SHROOM3: variants seen among roughly 807,000 people sequenced by gnomAD.
SHROOM3 encodes the protein shroom family member 3.
In SHROOM3, 47 loss-of-function variants were observed where a neutral mutation model predicts 138.6. The ratio of observed to expected loss-of-function variants is 0.34; its 90% CI spans 0.27 to 0.43. The LOEUF is 0.43. Ranked by LOEUF, SHROOM3 falls within the 20% of genes least tolerant of loss-of-function variation. The pLI, the probability that SHROOM3 is intolerant of heterozygous loss-of-function variation, is 1.00. For synonymous variants in SHROOM3, 1,062 were observed against 1,063.3 expected, an observed-to-expected ratio of 1.00 and a Z score of 0.02; for missense variants, 2,491 against 2,596.5, an observed-to-expected ratio of 0.96 and a Z score of 0.88.
At chr4:76,511,577 G>A (rs377764658) in intron 1 of SHROOM3, among the ~76,000 whole-genome samples, 11 of 152,276 alleles carry the variant, frequency 7.2e-5, no homozygotes, top group African/African-American at 2.6e-4. Context: ...GTGATGAGCA[G>A]GGGTCTTGCT....
At chr4:76,626,733 G>A (rs185355601) in intron 2 of SHROOM3, among the ~76,000 whole-genome samples, 11 of 152,276 alleles carry the variant, frequency 7.2e-5, no homozygotes, top group African/African-American at 2.4e-4. Context: ...GAAACACCTT[G>A]GCCAAGATCA....
Position 76,754,364 on chromosome 4 carries a change from A to G in SHROOM3, c.3881A>G (p.His1294Arg), listed in dbSNP as rs1721731773. 1 of 1,614,142 alleles carries G rather than the reference A, an allele frequency of 6.2e-7. No individual in the cohort carries two copies. The change falls in exon 7 of 11, where the codon CAT becomes CGT. Residue 1294 changes from histidine to arginine, a missense_variant. Coordinates refer to ENST00000296043, the MANE Select transcript of SHROOM3 (RefSeq NM_020859.4). ...GQEEMLPLFH[H>R]LTPRWGGSGC... ...GAAGAGATGCTGCCGCTCTTCCACC[A>G]TCTCACCCCTCGTTGGGGTGGTTCA...
intron 1 of SHROOM3, among the ~76,000 whole-genome samples, chr4:76,481,933 T>C (rs1731621983): frequency 6.6e-6 from 1 of 151,976 alleles, no homozygotes; most frequent in African/African-American, 2.4e-5. Flanking sequence ...ATACAGAAAA[T>C]GCCTTCAATA....
intron 2 of SHROOM3, among the ~76,000 whole-genome samples, chr4:76,583,186 G>T (rs1435656727): frequency 6.6e-6 from 1 of 152,146 alleles, no homozygotes; most frequent in Admixed American, 6.5e-5. Context: ...CTAAATGAGG[G>T]GAGCTGGTGC....
At chr4:76,755,266 G>T (rs1462961027) in intron 7 of SHROOM3, 74 bp downstream of exon 7, 4 of 1,527,754 alleles carry the variant, frequency 2.6e-6, no homozygotes, top group Non-Finnish European at 3.6e-6. Flanking sequence ...AGGTCCTTCT[G>T]CTGGCCACAG....
At chr4:76,679,113 T>C (rs751267003) in intron 2 of SHROOM3, among the ~76,000 whole-genome samples, 1 of 152,248 alleles carries the variant, frequency 6.6e-6, no homozygotes, top group Non-Finnish European at 1.5e-5. Context: ...AAAAACATGA[T>C]TCTACCAGTC....
rs895664045 is a variant in SHROOM3, at chr4:76,442,650, C to A, written c.168+6430C>A. On this transcript the variant is annotated intron_variant, in intron 1 of 10. Transcript: ENST00000296043. ...GGTCTCGATCTCCTTACCTTATGATCCGCCCACCTCGGCCTCCCAAAGTGC... is the reference window on the plus strand; with the variant it reads ...GGTCTCGATCTCCTTACCTTATGATACGCCCACCTCGGCCTCCCAAAGTGC... 6.6e-5 allele frequency among the ~76,000 whole-genome samples: 10 copies of A among 152,018 alleles called. No homozygotes were observed. In the East Asian group the frequency reaches 7.7e-4, roughly 12 times the overall value.
At chr4:76,511,361 A>G (rs1386722156) in intron 1 of SHROOM3, among the ~76,000 whole-genome samples, 1 of 151,978 alleles carries the variant, frequency 6.6e-6, no homozygotes, top group African/African-American at 2.4e-5. Flanking sequence ...TAGGTGGCTT[A>G]AGATCACTAC....
rs1468697867 is a variant in SHROOM3 at position 76,457,783 on chromosome 4, C to T, written c.168+21563C>T. Among the ~76,000 whole-genome samples, 6 of 151,528 alleles carry T rather than the reference C, an allele frequency of 4.0e-5. No homozygotes were observed. The East Asian group carries it at 9.7e-4, about 24-fold the overall frequency. ...AGGATAACAGGCGTGAGCCACCGAG[C>T]CTGGCTTTTCTTTTCTTTTTTTTTT... On this transcript the variant is annotated intron_variant, in intron 1 of 10. Transcript: ENST00000296043.
At chr4:76,572,289 A>G (rs989745895) in intron 2 of SHROOM3, among the ~76,000 whole-genome samples, 1 of 152,216 alleles carries the variant, frequency 6.6e-6, no homozygotes. Context: ...ATCTTACCCT[A>G]AAGGAGTGAG....
chr4:76,690,849 ACTT>A (rs1370227137), intron 2 of SHROOM3, among the ~76,000 whole-genome samples: 3 of 151,982 alleles, frequency 2.0e-5, no homozygotes, highest in Non-Finnish European at 4.4e-5. Flanking sequence ...TCAGCTATGG[ACTT>A]TTTTTTTTCT....
intron 2 of SHROOM3, among the ~76,000 whole-genome samples, chr4:76,566,876 C>T (rs144317227): frequency 6.6e-6 from 1 of 152,362 alleles, no homozygotes; most frequent in Non-Finnish European, 1.5e-5. Context: ...TCGCATGTGG[C>T]AGCTCTGAAG....
chr4:76,764,384 CA>C, intron 9 of SHROOM3, among the ~76,000 whole-genome samples: 1 of 152,342 alleles, frequency 6.6e-6, no homozygotes, highest in African/African-American at 2.4e-5. Context: ...AGGAATATTT[CA>C]AAAGGCAAAA....
At position 76,435,913 on chromosome 4, in the gene SHROOM3, A is replaced by G. The variant is rs1730552838; in HGVS notation, c.-140A>G. 2.7e-6 allele frequency: 2 copies of G among 752,074 alleles called. No homozygotes were observed. The highest frequency in any genetic ancestry group is 1.8e-5 in the African/African-American group (1 of 56,778). 46.6% of individuals were successfully genotyped at this position (752,074 alleles called of 1,614,324 possible). A position where few individuals can be genotyped will look rare whatever the true frequency, so the allele number is the denominator to read the frequency against. On this transcript the variant is annotated 5_prime_UTR_variant, in exon 1 of 11. It removes an upstream start codon present in the reference 5' UTR. Coordinates refer to ENST00000296043, the MANE Select transcript of SHROOM3 (RefSeq NM_020859.4). ...TTCAGCTTGGAAGAACATTTTACGT[A>G]TGGAAGAATTTGCTTCTCCAAACCT...
chr4:76,463,298 G>C (rs1047131606), intron 1 of SHROOM3, among the ~76,000 whole-genome samples: 1 of 152,222 alleles, frequency 6.6e-6, no homozygotes, highest in African/African-American at 2.4e-5. Context: ...CTCTTAACTT[G>C]AGAGAAATGA....
At chr4:76,677,588 AGTGTGTCTGTCTGTATT>A (rs1719076420) in intron 2 of SHROOM3, among the ~76,000 whole-genome samples, 1 of 152,206 alleles carries the variant, frequency 6.6e-6, no homozygotes, top group Admixed American at 6.5e-5. Flanking sequence ...TTTGTGGGCA[AGTGTGTCTGTCTGTATT>A]GCCATGATTT....
chr4:76,480,697 A>G (rs916471946), intron 1 of SHROOM3, among the ~76,000 whole-genome samples: 3 of 152,178 alleles, frequency 2.0e-5, no homozygotes, highest in African/African-American at 4.8e-5. Context: ...CTCGCACCAC[A>G]TCACACTTAC....
intron 1 of SHROOM3, among the ~76,000 whole-genome samples, chr4:76,505,823 T>TTTA (rs1379935194): frequency 6.6e-6 from 1 of 151,822 alleles, no homozygotes; most frequent in Admixed American, 6.6e-5. Context: ...GCCTGGCTAA[T>TTTA]TTATTATTAT....
At chr4:76,754,202 G>T (rs924878147) in intron 6 of SHROOM3, 109 bp from the exon 7 acceptor site, 33 of 1,406,944 alleles carry the variant, frequency 2.3e-5, no homozygotes, top group African/African-American at 7.0e-5. Context: ...GGAAGGAAAA[G>T]AGGTCCTCCT....
Sources: allele counts gnomAD v4.1 joint callset (sites outside exome capture counted in the v4.1 genomes callset), GRCh38; gene constraint gnomAD v4.1.1; transcripts MANE v1.5; gene names NCBI Gene and HGNC (gene_info 2026-07-23, HGNC 2026-07-21).